The following FHOD3 variants were observed in gnomAD, a reference collection of about 807,000 sequenced individuals.
The protein encoded by FHOD3 is formin homology 2 domain containing 3.
In FHOD3, 90 loss-of-function variants were observed where a neutral mutation model predicts 173.0. The ratio of observed to expected loss-of-function variants is 0.52; its 90% CI spans 0.44 to 0.62. The LOEUF (loss-of-function observed/expected upper bound fraction) is 0.62, where lower values mean the gene tolerates loss of function less well. Ranked by LOEUF, FHOD3 falls within the 20% of genes least tolerant of loss-of-function variation. The probability of loss-of-function intolerance (pLI) is 0.00; values close to 1 mark genes in which losing one functional copy is unlikely to be tolerated. For missense variants in FHOD3, 1,945 were observed against 2,034.7 expected, an observed-to-expected ratio of 0.96 and a Z score of 0.85; for synonymous variants, 828 against 823.0, an observed-to-expected ratio of 1.01 and a Z score of -0.10.
Position 36,458,962 on chromosome 18 carries a change from T to C in FHOD3, c.338-42970T>C, listed in dbSNP as rs530014485. Among the ~76,000 whole-genome samples the C allele has an allele frequency of 5.3e-5, 8 of 152,340 alleles. 1 individual carries two copies. In the South Asian group the frequency reaches 1.2e-3, roughly 24 times the overall value. On this transcript the variant is annotated intron_variant, in intron 3 of 28. Coordinates refer to ENST00000590592, the MANE Select transcript of FHOD3 (RefSeq NM_001281740.3). ...CATTTGACTATGTTGCCTTTTGCCA[T>C]GACCCCTGCTTTGCCCAGGGGTGGC...
At chr18:36,619,026 G>C (rs935324208) in intron 9 of FHOD3, among the ~76,000 whole-genome samples, 3 of 152,154 alleles carry the variant, frequency 2.0e-5, no homozygotes, top group African/African-American at 7.2e-5. Flanking sequence ...GGGGCTCATC[G>C]CTATCTTGAC....
At chr18:36,733,961 G>A (rs1010816846) in intron 20 of FHOD3, among the ~76,000 whole-genome samples, 3 of 152,140 alleles carry the variant, frequency 2.0e-5, no homozygotes, top group Middle Eastern at 3.2e-3. Flanking sequence ...GCGGTTTTGT[G>A]GGGTGGCTGG....
intron 19 of FHOD3, among the ~76,000 whole-genome samples, chr18:36,726,594 C>T (rs1258026374): frequency 2.6e-5 from 4 of 152,196 alleles, no homozygotes. Flanking sequence ...GACCAATTTC[C>T]TTATTTTCAA....
intron 3 of FHOD3, among the ~76,000 whole-genome samples, chr18:36,469,921 C>T (rs1393581308): frequency 6.6e-6 from 1 of 152,192 alleles, no homozygotes; most frequent in Non-Finnish European, 1.5e-5. Flanking sequence ...CATAGTTCCC[C>T]TTGTGTCCTG....
intron 1 of FHOD3, among the ~76,000 whole-genome samples, chr18:36,317,419 A>G (rs1456350480): frequency 6.6e-6 from 1 of 152,188 alleles, no homozygotes; most frequent in Admixed American, 6.5e-5. Flanking sequence ...TGCCATTCTA[A>G]CCGGCATGAG....
chr18:36,647,554 T>C (rs899536025), intron 10 of FHOD3, among the ~76,000 whole-genome samples: 1 of 152,176 alleles, frequency 6.6e-6, no homozygotes, highest in Admixed American at 6.5e-5. Flanking sequence ...TTAATAAAGA[T>C]GAACCCAAGC....
In FHOD3 at chr18:36,669,385, G is replaced by T. The variant is rs550974832; in HGVS notation, c.1835+11197G>T. Among the ~76,000 whole-genome samples the T allele has an allele frequency of 2.0e-5, 3 of 151,812 alleles. No individual in the cohort carries two copies. The South Asian group carries it at 6.2e-4, about 32-fold the overall frequency. ...TTGAATCTTTTTTTTAATCCAGTCT[G>T]ATAATCTCTACCTTTTAATTGGAGT... is the stretch of plus-strand genomic sequence containing the variant. On this transcript the variant is annotated intron_variant, in intron 14 of 28. Transcript: ENST00000590592.
intron 10 of FHOD3, among the ~76,000 whole-genome samples, chr18:36,638,946 T>C (rs551098556): frequency 1.3e-5 from 2 of 152,300 alleles, no homozygotes; most frequent in East Asian, 1.9e-4. Flanking sequence ...TGACAAAACA[T>C]GTCTCATGTC....
intron 9 of FHOD3, among the ~76,000 whole-genome samples, chr18:36,619,175 A>T (rs1360446992): frequency 3.3e-5 from 5 of 152,174 alleles, no homozygotes; most frequent in African/African-American, 1.2e-4. Context: ...AAATACAGAG[A>T]TAAAATATCT....
At chr18:36,596,620 T>C (rs1449628114) in intron 7 of FHOD3, among the ~76,000 whole-genome samples, 1 of 152,156 alleles carries the variant, frequency 6.6e-6, no homozygotes, top group East Asian at 1.9e-4. Flanking sequence ...CTGGGGCTCC[T>C]ATACCCTTGA....
intron 24 of FHOD3, among the ~76,000 whole-genome samples, chr18:36,753,467 A>G (rs574716243): frequency 6.6e-6 from 1 of 152,364 alleles, no homozygotes; most frequent in South Asian, 2.1e-4. Context: ...TTATCTTTCC[A>G]TGGACATTTG....
chr18:36,487,406 A>T (rs990787666), intron 3 of FHOD3, among the ~76,000 whole-genome samples: 1 of 152,218 alleles, frequency 6.6e-6, no homozygotes, highest in African/African-American at 2.4e-5. Flanking sequence ...ACAGGCAGTA[A>T]GTGCCTGAGC....
At chr18:36,535,757 T>A (rs1014202702) in intron 5 of FHOD3, among the ~76,000 whole-genome samples, 9 of 152,324 alleles carry the variant, frequency 5.9e-5, no homozygotes, top group African/African-American at 2.2e-4. Flanking sequence ...ACTAAATATT[T>A]GTATTTAATA....
intron 6 of FHOD3, among the ~76,000 whole-genome samples, chr18:36,593,012 AGAG>A (rs1020197625): frequency 2.6e-5 from 4 of 152,180 alleles, no homozygotes; most frequent in African/African-American, 7.2e-5. Flanking sequence ...AGGAGAGTAA[AGAG>A]GAGTGAACTC....
At chr18:36,616,651 A>C (rs1395670442) in intron 9 of FHOD3, among the ~76,000 whole-genome samples, 1 of 152,236 alleles carries the variant, frequency 6.6e-6, no homozygotes, top group Non-Finnish European at 1.5e-5. Context: ...AGCTTTAAGA[A>C]CTAAAACATT....
intron 1 of FHOD3, among the ~76,000 whole-genome samples, chr18:36,336,254 G>A (rs2045303131): frequency 6.6e-6 from 1 of 152,190 alleles, no homozygotes; most frequent in Non-Finnish European, 1.5e-5. Context: ...TGCTGAACCG[G>A]AAAGGAACCT....
intron 24 of FHOD3, among the ~76,000 whole-genome samples, chr18:36,750,690 A>G (rs529381709): frequency 1.0e-3 from 153 of 152,224 alleles, no homozygotes; most frequent in Non-Finnish European, 1.6e-3. Flanking sequence ...AAAGTGTCCA[A>G]TCTTCAACAT....
At chr18:36,378,539 A>G (rs8093766) in intron 3 of FHOD3, among the ~76,000 whole-genome samples, 1,788 of 148,526 alleles carry the variant, frequency 0.012, 38 homozygotes, top group African/African-American at 0.042. Flanking sequence ...GGGGCCTTCC[A>G]TCAGACTGGA....
intron 11 of FHOD3, among the ~76,000 whole-genome samples, chr18:36,651,898 T>C (rs1277799038): frequency 6.6e-6 from 1 of 152,196 alleles, no homozygotes; most frequent in Non-Finnish European, 1.5e-5. Flanking sequence ...ATTTTATACC[T>C]GGAGGCAGAA....
Sources: allele counts gnomAD v4.1 joint callset (sites outside exome capture counted in the v4.1 genomes callset), GRCh38; gene constraint gnomAD v4.1.1; transcripts MANE v1.5; gene names NCBI Gene and HGNC (gene_info 2026-07-23, HGNC 2026-07-21).